The following PLAAT1 variants were observed in gnomAD, a reference collection of about 807,000 sequenced individuals.
The protein encoded by PLAAT1 is H-REV107 protein-related protein.
Under a neutral mutation model 16.4 loss-of-function variants are expected in PLAAT1, and 13 were observed. The ratio of observed to expected loss-of-function variants is 0.79; its 90% confidence interval spans 0.52 to 1.26. The LOEUF (loss-of-function observed/expected upper bound fraction) is 1.26, where lower values mean the gene tolerates loss of function less well. Ranked by LOEUF, PLAAT1 falls within the 50% of genes most tolerant of loss-of-function variation. PLAAT1 has a pLI of 0.00. For synonymous variants in PLAAT1, 73 were observed against 78.4 expected, an observed-to-expected ratio of 0.93 and a Z score of 0.36; for missense variants, 218 against 207.8, an observed-to-expected ratio of 1.05 and a Z score of -0.30.
At chr3:193,241,925 A>T (rs139517880) in intron 1 of PLAAT1, among the ~76,000 whole-genome samples, 74 of 152,304 alleles carry the variant, frequency 4.9e-4, no homozygotes, top group African/African-American at 1.7e-3. Flanking sequence ...CTGGGCTTGG[A>T]TTCCTCATTC....
intron 1 of PLAAT1, among the ~76,000 whole-genome samples, chr3:193,248,257 C>CT (rs1445350807): frequency 6.6e-6 from 1 of 151,854 alleles, no homozygotes; most frequent in Non-Finnish European, 1.5e-5. Context: ...TGTGGAATAT[C>CT]TTTTTTCATC....
At position 193,269,890 on chromosome 3, in the gene PLAAT1, G is replaced by GT. The variant is rs1696179916; in HGVS notation, c.406-712dup. The stretch of plus-strand genomic sequence containing the variant: ...AAATGTCTGAATTCCTTTATGGACA[G>GT]TTGATCTTGAGAGTGGTTTGTCTAC... On this transcript the variant is annotated intron_variant, in intron 3 of 3. Transcript: ENST00000264735. Among the ~76,000 whole-genome samples, 3 of 152,118 alleles carry GT rather than the reference G, an allele frequency of 2.0e-5. No homozygotes were observed. The South Asian group carries it at 6.2e-4, about 32-fold the overall frequency.
At chr3:193,252,037 TATAAG>T (rs1716209486) in intron 1 of PLAAT1, among the ~76,000 whole-genome samples, 1 of 152,134 alleles carries the variant, frequency 6.6e-6, no homozygotes, top group Admixed American at 6.5e-5. Flanking sequence ...CTGCGTAATG[TATAAG>T]GAAAAGAGAT....
At chr3:193,240,686 G>GTGTGTGTGTGTGT (rs1715685085), upstream of PLAAT1, among the ~76,000 whole-genome samples, 10 of 47,176 alleles carry the variant, frequency 2.1e-4, no homozygotes, top group East Asian at 6.1e-4. Flanking sequence ...TGTGTGTGTG[G>GTGTGTGTGTGTGT]TTGGAGGTCT....
In PLAAT1 at chr3:193,270,679, A is replaced by G. The variant is rs1197076295; in HGVS notation, c.481A>G (p.Lys161Glu). 10 of 1,613,650 alleles carry G rather than the reference A, an allele frequency of 6.2e-6. No individual in the cohort carries two copies. The highest frequency in any genetic ancestry group is 1.1e-5 in the South Asian group (1 of 91,026). Reference sequence around the variant, plus strand: ...CTTCTCATTCCTGGGCTTGTTTCCAAAAGGACAAAGAGCAAAATACTATTA... The same window carrying G: ...CTTCTCATTCCTGGGCTTGTTTCCAGAAGGACAAAGAGCAAAATACTATTA... ...GVFSFLGLFPKGQRAKYY is the reference protein window; with the variant it reads ...GVFSFLGLFPEGQRAKYY The change falls in exon 4 of 4, where the codon AAA (lysine) becomes GAA (glutamate). Residue 161 changes from lysine (K) to glutamate (E), a missense_variant. Transcript: ENST00000264735.
At chr3:193,274,056 C>T (rs186402011), downstream of PLAAT1, among the ~76,000 whole-genome samples, 3 of 151,976 alleles carry the variant, frequency 2.0e-5, no homozygotes, top group African/African-American at 7.3e-5. Flanking sequence ...CCAGCCTGGA[C>T]AACATGGTGA....
upstream of PLAAT1, chr3:193,241,043 C>T (rs1014767916): frequency 2.3e-6 from 1 of 438,908 alleles, no homozygotes; most frequent in East Asian, 4.1e-5. Context: ...GCGCTTTGAC[C>T]GTAGGCGCTG....
At chr3:193,240,632 G>A (rs1426696539), upstream of PLAAT1, among the ~76,000 whole-genome samples, 1 of 138,474 alleles carries the variant, frequency 7.2e-6, no homozygotes, top group Non-Finnish European at 1.6e-5. Context: ...GCGGGGTCTG[G>A]AGGTCTGTGC....
chr3:193,246,754 G>C (rs1225002557), intron 1 of PLAAT1, among the ~76,000 whole-genome samples: 1 of 152,184 alleles, frequency 6.6e-6, no homozygotes, highest in Admixed American at 6.5e-5. Context: ...ATTTACTGTT[G>C]AATGCAGTTT....
In PLAAT1 at chr3:193,241,368, G is replaced by T; in HGVS notation, c.-166G>T. The T allele has an allele frequency of 8.1e-7, 1 of 1,231,606 alleles. No individual in the cohort carries two copies. The highest frequency in any genetic ancestry group is 4.2e-5 in the Admixed American group (1 of 23,720). The allele number at this position is 1,231,606 out of a possible 1,614,324, so 76.3% of individuals were successfully genotyped here. On this transcript the variant is annotated 5_prime_UTR_variant, in exon 1 of 4. Transcript: ENST00000264735. ...GGTGCTGGCGTTGGCCCTGGAGGAC[G>T]GCCCCGAGTGATGGCTGGCGCCTGC... is the stretch of plus-strand genomic sequence containing the variant.
downstream of PLAAT1, among the ~76,000 whole-genome samples, chr3:193,279,976 T>TAAAAAA (rs57617984): frequency 4.0e-4 from 24 of 59,898 alleles, 4 homozygotes; most frequent in East Asian, 3.9e-3. Context: ...GTGTCTTTGT[T>TAAAAAA]AAAAAAAAAA....
downstream of PLAAT1, among the ~76,000 whole-genome samples, chr3:193,280,064 C>T (rs1179310079): frequency 7.4e-6 from 1 of 135,752 alleles, no homozygotes; most frequent in African/African-American, 2.7e-5. Context: ...TTTTTCTTTC[C>T]TTTTTTTTGA....
At chr3:193,261,285 T>C (rs1397988320) in intron 2 of PLAAT1, among the ~76,000 whole-genome samples, 3 of 151,978 alleles carry the variant, frequency 2.0e-5, no homozygotes, top group Non-Finnish European at 4.4e-5. Flanking sequence ...GGAGAATCAC[T>C]TGAGCCTAGG....
At chr3:193,272,385 T>C (rs1717009520), downstream of PLAAT1, among the ~76,000 whole-genome samples, 4 of 152,008 alleles carry the variant, frequency 2.6e-5, no homozygotes, top group Admixed American at 2.0e-4. Context: ...GAGGTTGCAG[T>C]GAGCCGAGAT....
At chr3:193,268,322 C>G (rs912831627) in intron 3 of PLAAT1, among the ~76,000 whole-genome samples, 1 of 152,124 alleles carries the variant, frequency 6.6e-6, no homozygotes, top group Admixed American at 6.5e-5. Context: ...TAGGAAAGAG[C>G]GTTTTGATAA....
At chr3:193,258,107 C>G (rs2108792238) in intron 2 of PLAAT1, among the ~76,000 whole-genome samples, 2 of 152,258 alleles carry the variant, frequency 1.3e-5, no homozygotes, top group Admixed American at 1.3e-4. Context: ...AATAAACTCC[C>G]TTTCATATAT....
intron 2 of PLAAT1, among the ~76,000 whole-genome samples, chr3:193,261,119 G>A (rs1716569112): frequency 6.6e-6 from 1 of 152,154 alleles, no homozygotes; most frequent in African/African-American, 2.4e-5. Flanking sequence ...CTGTAATCCA[G>A]TACTTTGGTA....
downstream of PLAAT1, chr3:193,279,471 C>T: frequency 6.3e-7 from 1 of 1,596,744 alleles, no homozygotes; most frequent in Non-Finnish European, 8.6e-7. Flanking sequence ...AAATACCAAA[C>T]ATTATTTTTA....
intron 1 of PLAAT1, 48 bp downstream of exon 1, chr3:193,241,581 A>C (rs762382727): frequency 6.6e-6 from 8 of 1,211,202 alleles, no homozygotes; most frequent in Non-Finnish European, 8.3e-6. Context: ...CCGGCAACCA[A>C]CCGTGTTCTA....
Sources: gnomAD v4.1 joint callset for allele counts (sites outside exome capture counted in the v4.1 genomes callset) on GRCh38, gnomAD v4.1.1 for gene constraint, MANE v1.5 for transcripts, NCBI Gene and HGNC (gene_info 2026-07-23, HGNC 2026-07-21) for gene names.